Variants in TTF2 observed in about 807,000 individuals in gnomAD.
TTF2 encodes transcription termination factor 2, also known as RNA polymerase II termination factor.
A neutral mutation model predicts 142.4 loss-of-function variants in TTF2; 108 were observed. The ratio of observed to expected loss-of-function variants is 0.76; its 90% CI spans 0.65 to 0.89. The LOEUF is 0.89. TTF2 is among the 40% of genes least tolerant of loss of function. The probability of loss-of-function intolerance (pLI) is 0.00; values close to 1 mark genes in which losing one functional copy is unlikely to be tolerated. For synonymous variants in TTF2, 483 were observed against 506.2 expected (o/e 0.95, Z 0.61); for missense variants, 1,327 against 1,379.8 (o/e 0.96, Z 0.61).
Position 117,084,188 on chromosome 1 carries a change from G to T in TTF2, c.2054+20G>T, listed in dbSNP as rs1344442330. 1 of 1,613,534 alleles carries T rather than the reference G, an allele frequency of 6.2e-7. No individual in the cohort carries two copies. Reference sequence around the variant, plus strand: ...CAGAGTGTAAGTGCAGGAATACGCAGTTGTGGGGGCGTTCAGCACCTCTGC... The same window carrying T: ...CAGAGTGTAAGTGCAGGAATACGCATTTGTGGGGGCGTTCAGCACCTCTGC... On this transcript the variant is annotated intron_variant, in intron 11 of 22. Coordinates refer to ENST00000369466, the MANE Select transcript of TTF2 (RefSeq NM_003594.4).
chr1:117,101,741 A>C lies in TTF2; in HGVS notation c.*217A>C. ...ACCAATTATGTTAATAATTTATTTA[A>C]TGAGTGGTATGGAAACCAATTGATT... On this transcript the variant is annotated 3_prime_UTR_variant, in exon 23 of 23. Coordinates refer to ENST00000369466, the MANE Select transcript of TTF2 (RefSeq NM_003594.4). This position sits in a 1 kb window ranked among gnomAD's most constrained non-coding sequence, Gnocchi z 5.9. The C allele has an allele frequency of 2.4e-6, 1 of 410,068 alleles. No homozygotes were observed. Among genetic ancestry groups the C allele is most frequent in the Non-Finnish European group, 4.2e-6 (1 of 237,634 alleles). 25.4% of individuals were successfully genotyped at this position (410,068 alleles called of 1,614,324 possible). A position where few individuals can be genotyped will look rare whatever the true frequency, so the allele number is the denominator to read the frequency against.
chr1:117,088,984 T>A lies in TTF2; in HGVS notation c.2342+2T>A. ...ATTGGATATGTATTCGCTGCTGAAG[T>A]GAGTAACTTCTCGTGATTGTGTAAA... On this transcript the variant is annotated splice_donor_variant, in intron 13 of 22. Coordinates refer to ENST00000369466, the MANE Select transcript of TTF2 (RefSeq NM_003594.4). LOFTEE classifies it high-confidence loss of function. 1 of 1,600,100 alleles carries A rather than the reference T, an allele frequency of 6.2e-7. No homozygotes were observed. The highest frequency in any genetic ancestry group is 8.5e-7 in the Non-Finnish European group (1 of 1,173,704).
At chr1:117,089,067 T>TA in intron 13 of TTF2, 85 bp downstream of exon 13, 1 of 1,409,598 alleles carries the variant, frequency 7.1e-7, no homozygotes, top group Non-Finnish European at 9.5e-7. Context: ...AAAGCCTTAG[T>TA]ATGTGCCAGA....
At chr1:117,071,617 A>G (rs1040569070) in intron 3 of TTF2, among the ~76,000 whole-genome samples, 3 of 125,252 alleles carry the variant, frequency 2.4e-5, no homozygotes, top group Non-Finnish European at 5.5e-5. Context: ...TACTTTACCT[A>G]TTTCAGCAGA....
chr1:117,080,167 G>A lies in TTF2; in HGVS notation c.1783+518G>A, dbSNP rs1213613716. Among the ~76,000 whole-genome samples the A allele has an allele frequency of 6.6e-6, 1 of 151,922 alleles. No homozygotes were observed. On this transcript the variant is annotated intron_variant, in intron 9 of 22. Transcript: ENST00000369466. The surrounding 1 kb of genome is among the most constrained non-coding windows in gnomAD (Gnocchi z 4.3). The stretch of plus-strand genomic sequence containing the variant: ...TGGGATTACAGGCAGATGCCACCAC[G>A]CCTGGCTAATTTTTTGTATTTTTAG...
Position 117,091,448 on chromosome 1 carries a change from G to A in TTF2, c.2671+38G>A, listed in dbSNP as rs779405908. 1.9e-6 allele frequency: 3 copies of A among 1,560,104 alleles called. No homozygotes were observed. The African/African-American group carries it at 4.1e-5, about 21-fold the overall frequency. On this transcript the variant is annotated intron_variant, in intron 16 of 22. Transcript: ENST00000369466. The stretch of plus-strand genomic sequence containing the variant: ...ACTCTCATAAATACATATGACTGGT[G>A]AAAATGGGGATTTGGATTCAGTAAA...
rs778668440 is a variant in TTF2, at chr1:117,073,907, C to T, written c.285+180C>T. 2.0e-4 allele frequency among the ~76,000 whole-genome samples: 31 copies of T among 152,092 alleles called. No homozygotes were observed. Among genetic ancestry groups the T allele is most frequent in the Non-Finnish European group, 3.8e-4 (26 of 68,020 alleles). The stretch of plus-strand genomic sequence containing the variant: ...ACTTTTATTCAAAGGATCATTTAGT[C>T]GTAATCAAGATTAATTATTTGCATC... On this transcript the variant is annotated intron_variant, in intron 4 of 22. Coordinates refer to ENST00000369466, the MANE Select transcript of TTF2 (RefSeq NM_003594.4). This position sits in a 1 kb window ranked among gnomAD's most constrained non-coding sequence, Gnocchi z 4.4.
chr1:117,074,943 A>G lies in TTF2; in HGVS notation c.359A>G (p.Asn120Ser), dbSNP rs370660322. The change falls in exon 5 of 23, where the codon AAC becomes AGC. Residue 120 changes from asparagine to serine, a missense_variant. Physicochemically the swap from Asn to Ser is conservative, Grantham distance 46. Coordinates refer to ENST00000369466, the MANE Select transcript of TTF2 (RefSeq NM_003594.4). ...TCTGAGACATTTCATCATTCTTCCA[A>G]CTGGCTGAGAAATCCATTCAAGGTA... ...HASETFHHSS[N>S]WLRNPFKVLD... 7 of 1,613,686 alleles carry G rather than the reference A, an allele frequency of 4.3e-6. No individual in the cohort carries two copies. The highest frequency in any genetic ancestry group is 1.3e-5 in the African/African-American group (1 of 74,836).
chr1:117,079,741 T>G lies in TTF2; in HGVS notation c.1783+92T>G. On this transcript the variant is annotated intron_variant, in intron 9 of 22. Transcript: ENST00000369466. The surrounding 1 kb of genome is among the most constrained non-coding windows in gnomAD (Gnocchi z 4.2). Reference sequence around the variant, plus strand: ...TGTTTCATTTATTCCTCTCAAGAACTCTATGAGGCAGGTACTATTATTCCT... The same window carrying G: ...TGTTTCATTTATTCCTCTCAAGAACGCTATGAGGCAGGTACTATTATTCCT... The G allele has an allele frequency of 2.5e-6, 3 of 1,218,944 alleles. No individual in the cohort carries two copies. The highest frequency in any genetic ancestry group is 3.6e-6 in the Non-Finnish European group (3 of 828,780). The allele number at this position is 1,218,944 out of a possible 1,614,324, so 75.5% of individuals were successfully genotyped here. A position where few individuals can be genotyped will look rare whatever the true frequency, so the allele number is the denominator to read the frequency against.
Position 117,080,237 on chromosome 1 carries a change from C to T in TTF2, c.1783+588C>T, listed in dbSNP as rs1270798766. 1.3e-5 allele frequency among the ~76,000 whole-genome samples: 2 copies of T among 152,138 alleles called. No homozygotes were observed. The highest frequency in any genetic ancestry group is 2.9e-5 in the Non-Finnish European group (2 of 68,026). On this transcript the variant is annotated intron_variant, in intron 9 of 22. Transcript: ENST00000369466. The surrounding 1 kb of genome is among the most constrained non-coding windows in gnomAD (Gnocchi z 4.3). Reference sequence around the variant, plus strand: ...TGTTGGACAGGCTGGTCTCTAACTCCTGACCTCAGGTGCTCCACCTGCCTT... The same window carrying T: ...TGTTGGACAGGCTGGTCTCTAACTCTTGACCTCAGGTGCTCCACCTGCCTT...
chr1:117,075,092 A>C lies in TTF2; in HGVS notation c.508A>C (p.Lys170Gln), dbSNP rs1296960846. ...GCTTTTCGATCAAAAGAAAGAACAG[A>C]AGCCTGAAATGATGGAGAAAGACCT... Reference protein sequence around the residue: ...DQLFDQKKEQKPEMMEKDLSS... With the variant: ...DQLFDQKKEQQPEMMEKDLSS... The change falls in exon 5 of 23, where the codon AAG becomes CAG. Residue 170 changes from lysine to glutamine, a missense_variant. By Grantham distance (53) the Lys-to-Gln change is moderately conservative. Transcript: ENST00000369466. The surrounding 1 kb of genome is among the most constrained non-coding windows in gnomAD (Gnocchi z 4.5). 2 of 1,614,148 alleles carry C rather than the reference A, an allele frequency of 1.2e-6. No individual in the cohort carries two copies. Among genetic ancestry groups the C allele is most frequent in the Non-Finnish European group, 8.5e-7 (1 of 1,180,010 alleles).
intron 4 of TTF2, among the ~76,000 whole-genome samples, chr1:117,074,172 G>A (rs1656803918): frequency 1.3e-5 from 2 of 152,162 alleles, no homozygotes; most frequent in African/African-American, 4.8e-5. Flanking sequence ...GTAGGGAGGT[G>A]ATAAGACTTG....
chr1:117,091,250 A>C lies in TTF2; in HGVS notation c.2589-78A>C, dbSNP rs1028727025. On this transcript the variant is annotated intron_variant, in intron 15 of 22. Coordinates refer to ENST00000369466, the MANE Select transcript of TTF2 (RefSeq NM_003594.4). ...TTAACAAGTCTTCTATAATTTGTCA[A>C]GATCCCACTGCAGGCACAGTTAAGC... 1.6e-5 allele frequency: 19 copies of C among 1,214,702 alleles called. No homozygotes were observed. The Admixed American group carries it at 4.6e-4, about 30-fold the overall frequency. 75.2% of individuals were successfully genotyped at this position (1,214,702 alleles called of 1,614,324 possible). A position where few individuals can be genotyped will look rare whatever the true frequency, so the allele number is the denominator to read the frequency against.
At position 117,091,865 on chromosome 1, in the gene TTF2, A is replaced by T; in HGVS notation, c.2720A>T (p.Asp907Val). Residue 907 changes from aspartate (D) to valine (V), a missense_variant, in exon 17 of 23, where the codon GAC becomes GTC. Asp to Val is a radical substitution (Grantham distance 152). Transcript: ENST00000369466. Reference protein sequence around the residue: ...SEEPRHSEAADSPRSSTVHIL... With the variant: ...SEEPRHSEAAVSPRSSTVHIL... ...GAGCCTAGACACTCGGAGGCAGCAGACTCACCGAGATCCAGCACCGTCCAC... is the reference window on the plus strand; with the variant it reads ...GAGCCTAGACACTCGGAGGCAGCAGTCTCACCGAGATCCAGCACCGTCCAC... 1.2e-6 allele frequency: 2 copies of T among 1,610,640 alleles called. No homozygotes were observed. The highest frequency in any genetic ancestry group is 8.5e-7 in the Non-Finnish European group (1 of 1,178,598).
intron 3 of TTF2, among the ~76,000 whole-genome samples, chr1:117,071,300 C>T (rs1296859859): frequency 6.6e-6 from 1 of 151,636 alleles, no homozygotes; most frequent in Non-Finnish European, 1.5e-5. Context: ...ACATCCCATA[C>T]AGTGGAAAAC....
Position 117,079,710 on chromosome 1 carries a change from T to A in TTF2, c.1783+61T>A. ...ATGCTTAGGCATTGTGCTAAACACG[T>A]AGTGTTGTTTCATTTATTCCTCTCA... is the stretch of plus-strand genomic sequence containing the variant. On this transcript the variant is annotated intron_variant, in intron 9 of 22. Coordinates refer to ENST00000369466, the MANE Select transcript of TTF2 (RefSeq NM_003594.4). This position sits in a 1 kb window ranked among gnomAD's most constrained non-coding sequence, Gnocchi z 4.2. The A allele has an allele frequency of 6.8e-7, 1 of 1,474,604 alleles. No individual in the cohort carries two copies. The highest frequency in any genetic ancestry group is 9.5e-7 in the Non-Finnish European group (1 of 1,052,930). The allele number at this position is 1,474,604 out of a possible 1,614,324, so 91.3% of individuals were successfully genotyped here. A position where few individuals can be genotyped will look rare whatever the true frequency, so the allele number is the denominator to read the frequency against.
Position 117,092,746 on chromosome 1 carries a change from G to T in TTF2, c.2821G>T (p.Glu941Ter). ...SLLKSALDPM[E>*]LKGEGLVLSL... Reference sequence around the variant, plus strand: ...GTCTGTTCAGGCCCTGGATCCAATGGAACTGAAGGGTGAAGGTCTTGTCCT... The same window carrying T: ...GTCTGTTCAGGCCCTGGATCCAATGTAACTGAAGGGTGAAGGTCTTGTCCT... The change falls in exon 18 of 23, where the codon GAA becomes TAA. Residue 941 changes from glutamate (E) to a stop codon, truncating the protein, a stop_gained. Transcript: ENST00000369466. LOFTEE classifies it high-confidence loss of function. The surrounding 1 kb of genome is among the most constrained non-coding windows in gnomAD (Gnocchi z 4.4). The T allele has an allele frequency of 1.2e-6, 2 of 1,614,102 alleles. No homozygotes were observed. Among genetic ancestry groups the T allele is most frequent in the Non-Finnish European group, 1.7e-6 (2 of 1,180,008 alleles).
rs1649246205 is a variant in TTF2, at chr1:117,097,411, C to T, written c.3247C>T (p.Leu1083Phe). The stretch of plus-strand genomic sequence containing the variant: ...TCTAAACCTGACTGGAGGAAATCAC[C>T]TCTTTCTTTTGGACATGCACTGGTA... The part of the protein sequence containing the change: ...VGLNLTGGNH[L>F]FLLDMHWNPS... Residue 1083 changes from leucine to phenylalanine, a missense_variant, in exon 21 of 23, where the codon CTC (leucine) becomes TTC (phenylalanine). Physicochemically the swap from Leu to Phe is conservative, Grantham distance 22. Transcript: ENST00000369466. This position sits in a 1 kb window ranked among gnomAD's most constrained non-coding sequence, Gnocchi z 4.1. The T allele has an allele frequency of 1.9e-6, 3 of 1,613,980 alleles. No homozygotes were observed. The highest frequency in any genetic ancestry group is 1.1e-5 in the South Asian group (1 of 91,076).
chr1:117,089,382 T>C (rs559493225), intron 13 of TTF2, among the ~76,000 whole-genome samples: 12 of 151,972 alleles, frequency 7.9e-5, no homozygotes, highest in Admixed American at 3.3e-4. Context: ...CAAAAAAGAA[T>C]GTTGATTTTA....
Sources: allele counts gnomAD v4.1 joint callset (sites outside exome capture counted in the v4.1 genomes callset), GRCh38; gene constraint gnomAD v4.1.1; non-coding constraint Gnocchi (gnomAD v3.1); transcripts MANE v1.5; gene names NCBI Gene and HGNC (gene_info 2026-07-23, HGNC 2026-07-21).